The following COL6A3 variants were observed in gnomAD, a reference collection of about 807,000 sequenced individuals.
COL6A3 encodes the protein collagen alpha-3(VI) chain.
A neutral mutation model predicts 274.1 loss-of-function variants in COL6A3; 137 were observed. The observed-to-expected ratio is 0.50, with a 90% CI of 0.44 to 0.58. The LOEUF is 0.58. Among genes scored for constraint, COL6A3 ranks in the 20% least tolerant of loss-of-function variants. COL6A3 has a pLI of 0.00. For synonymous variants in COL6A3, 1,650 were observed against 1,650.6 expected, an observed-to-expected ratio of 1.00 and a Z score of 0.01; for missense variants, 3,950 against 4,124.9, an observed-to-expected ratio of 0.96 and a Z score of 1.16.
At chr2:237,412,574 A>G (rs2078883178) in intron 1 of COL6A3, among the ~76,000 whole-genome samples, 1 of 152,186 alleles carries the variant, frequency 6.6e-6, no homozygotes, top group South Asian at 2.1e-4. Context: ...AATCTCTTCC[A>G]TTATCTTTAG....
At position 237,340,719 on chromosome 2, in the gene COL6A3, G is replaced by A. The variant is rs780869389; in HGVS notation, c.8197C>T (p.Pro2733Ser). The A allele has an allele frequency of 6.2e-7, 1 of 1,614,156 alleles. No individual in the cohort carries two copies. Among genetic ancestry groups the A allele is most frequent in the African/African-American group, 1.3e-5 (1 of 75,042 alleles). ...IENVFESAPN[P>S]RDLKIVVLML... ...AGGACCACAATTTTCAGGTCCCGTGGGTTTGGGGCACTTTCAAAGACATTC... is the reference window on the plus strand; with the variant it reads ...AGGACCACAATTTTCAGGTCCCGTGAGTTTGGGGCACTTTCAAAGACATTC... The change falls in exon 38 of 44, where the codon CCA becomes TCA. Residue 2733 changes from proline to serine, a missense_variant. Coordinates refer to ENST00000295550, the MANE Select transcript of COL6A3 (RefSeq NM_004369.4).
At chr2:237,392,775 A>T (rs2078324817) in intron 3 of COL6A3, among the ~76,000 whole-genome samples, 1 of 152,234 alleles carries the variant, frequency 6.6e-6, no homozygotes, top group African/African-American at 2.4e-5. Flanking sequence ...CTCTGTGGTC[A>T]TCTCCAGACT....
rs774872934 is a variant in COL6A3, at chr2:237,377,033, C to G, written c.2809G>C (p.Glu937Gln). 6.2e-7 allele frequency: 1 copy of G among 1,614,208 alleles called. No individual in the cohort carries two copies. Among genetic ancestry groups the G allele is most frequent in the Admixed American group, 1.7e-5 (1 of 60,032 alleles). Residue 937 changes from glutamate (E) to glutamine (Q), a missense_variant, in exon 7 of 44, where the codon GAG becomes CAG. By Grantham distance (29) the Glu-to-Gln change is conservative. Coordinates refer to ENST00000295550, the MANE Select transcript of COL6A3 (RefSeq NM_004369.4). ...IFVKSAGSRI[E>Q]DGVLQFLVLL... ...ACCAGGAACTGAAGCACTCCATCCT[C>G]GATCCGGCTGCCAGCAGACTTCACA...
At chr2:237,336,052 T>C in intron 40 of COL6A3, 83 bp downstream of exon 40, 1 of 1,536,960 alleles carries the variant, frequency 6.5e-7, no homozygotes, top group Non-Finnish European at 9.0e-7. Context: ...TCTGAGTGTG[T>C]TACATGCAGG....
chr2:237,327,894 G>T (rs1046062270), intron 42 of COL6A3: 8 of 151,536 alleles, frequency 5.3e-5, no homozygotes, highest in African/African-American at 1.7e-4. Context: ...GCTGGCCCTC[G>T]TTGAACTTAA....
chr2:237,356,921 T>A lies in COL6A3; in HGVS notation c.6591+417A>T, dbSNP rs1195055184. 3 of 241,438 alleles carry A rather than the reference T, an allele frequency of 1.2e-5. No individual in the cohort carries two copies. The East Asian group carries it at 2.8e-4, about 23-fold the overall frequency. 15.0% of individuals were successfully genotyped at this position (241,438 alleles called of 1,614,324 possible). ...AAAGAAGAAATCTAGTTTTTTTATTTCACTTACAGCATCCCCCCAAAAACC... is the reference window on the plus strand; with the variant it reads ...AAAGAAGAAATCTAGTTTTTTTATTACACTTACAGCATCCCCCCAAAAACC... On this transcript the variant is annotated intron_variant, in intron 23 of 43. Transcript: ENST00000295550.
chr2:237,358,571 G>T lies in COL6A3; in HGVS notation c.6421C>A (p.Pro2141Thr). The change falls in exon 21 of 44, where the codon CCT becomes ACT. Residue 2141 changes from proline (P) to threonine (T), a missense_variant. Transcript: ENST00000295550. The part of the protein sequence containing the change: ...GNPGRRGDKG[P>T]RGEKGERGDV... ...CCTCTTTCTCCTTTCTCTCCTCGAG[G>T]TCCTTTATCACCCTAAAGAAAAAGC... is the stretch of plus-strand genomic sequence containing the variant. The T allele has an allele frequency of 1.9e-6, 3 of 1,613,754 alleles. No homozygotes were observed. The East Asian group carries it at 6.7e-5, about 36-fold the overall frequency.
At chr2:237,326,242 TGA>T (rs1313827764) in intron 42 of COL6A3, 1 of 120,624 alleles carries the variant, frequency 8.3e-6, no homozygotes, top group African/African-American at 3.2e-5. Flanking sequence ...AAATCCTTTA[TGA>T]GTGTGTGTGT....
rs2077445420 is a variant in COL6A3, at chr2:237,361,894, A to G, written c.6064-63T>C. The G allele has an allele frequency of 6.9e-7, 1 of 1,443,636 alleles. No homozygotes were observed. The highest frequency in any genetic ancestry group is 9.8e-7 in the Non-Finnish European group (1 of 1,024,718). The allele number at this position is 1,443,636 out of a possible 1,614,324, so 89.4% of individuals were successfully genotyped here. A position where few individuals can be genotyped will look rare whatever the true frequency, so the allele number is the denominator to read the frequency against. On this transcript the variant is annotated intron_variant, in intron 14 of 43. Transcript: ENST00000295550. The surrounding 1 kb of genome is among the most constrained non-coding windows in gnomAD (Gnocchi z 5.1). ...AGAAATGCCCAGCAGAAAATCATAA[A>G]TGCGCTTTAAGGGTCAAAATCGGAT...
In COL6A3 at chr2:237,388,115, A is replaced by G. The variant is rs767993846; in HGVS notation, c.779T>C (p.Val260Ala). Reference protein sequence around the residue: ...SNNTGSVNFAVILDFLVNLLE... With the variant: ...SNNTGSVNFAAILDFLVNLLE... ...GAGATTTACAAGGAAGTCGAGAATG[A>G]CTGCGAAATTGACACTTCCGGTGTT... The change falls in exon 4 of 44, where the codon GTC becomes GCC. Residue 260 changes from valine to alanine, a missense_variant. Around this residue, in one of 5 missense-constraint regions of COL6A3, gnomAD observed 1,934 missense variants for 1,984.3 expected, o/e 0.97. Coordinates refer to ENST00000295550, the MANE Select transcript of COL6A3 (RefSeq NM_004369.4). The G allele has an allele frequency of 4.3e-6, 7 of 1,614,094 alleles. No homozygotes were observed. Among genetic ancestry groups the G allele is most frequent in the Non-Finnish European group, 5.9e-6 (7 of 1,180,042 alleles).
chr2:237,344,399 G>A lies in COL6A3; in HGVS notation c.7619C>T (p.Pro2540Leu), dbSNP rs373624266. The change falls in exon 36 of 44, where the codon CCC becomes CTC. Residue 2540 changes from proline (P) to leucine (L), a missense_variant. By Grantham distance (98) the Pro-to-Leu change is moderately conservative (BLOSUM62 -3). Transcript: ENST00000295550. The surrounding 1 kb of genome is among the most constrained non-coding windows in gnomAD (Gnocchi z 4.8). ...GTCTTCCTGCCTTGTAAGGAACAAGGGGGTGATCCCCGCATCTGAGAGCTT... is the reference window on the plus strand; with the variant it reads ...GTCTTCCTGCCTTGTAAGGAACAAGAGGGTGATCCCCGCATCTGAGAGCTT... ...VLKLSDAGIT[P>L]LFLTRQEDRQ... 3 of 1,614,082 alleles carry A rather than the reference G, an allele frequency of 1.9e-6. No individual in the cohort carries two copies. Among genetic ancestry groups the A allele is most frequent in the East Asian group, 2.2e-5 (1 of 44,898 alleles).
chr2:237,387,478 C>T (rs1438258112), intron 4 of COL6A3, 104 bp downstream of exon 4: 2 of 1,559,288 alleles, frequency 1.3e-6, no homozygotes, highest in African/African-American at 1.4e-5. Context: ...TGGGTACTTA[C>T]AGCTTCTCCC....
chr2:237,373,673 A>T (rs750526174), intron 8 of COL6A3, among the ~76,000 whole-genome samples: 19 of 151,928 alleles, frequency 1.3e-4, no homozygotes, highest in Non-Finnish European at 2.5e-4. Context: ...TGAGGGAGCA[A>T]GGCCGCATCT....
chr2:237,391,631 C>T (rs2078291567), intron 3 of COL6A3, among the ~76,000 whole-genome samples: 1 of 152,132 alleles, frequency 6.6e-6, no homozygotes, highest in Non-Finnish European at 1.5e-5. Context: ...CTCCTGGATT[C>T]AAGCGATTCT....
Position 237,345,081 on chromosome 2 carries a change from A to G in COL6A3, c.7139T>C (p.Ile2380Thr). The G allele has an allele frequency of 5.0e-6, 8 of 1,614,176 alleles. No individual in the cohort carries two copies. The highest frequency in any genetic ancestry group is 6.8e-6 in the Non-Finnish European group (8 of 1,180,016). Residue 2380 changes from isoleucine to threonine, a missense_variant, in exon 34 of 44, where the codon ATC becomes ACC. Around this residue, in one of 5 missense-constraint regions of COL6A3, gnomAD observed 1,284 missense variants for 1,349.7 expected, o/e 0.95. Transcript: ENST00000295550. ...ACGGCATTTATCTTTGATGCTTTGG[A>G]TGAGGGCACATTGCTTTAAAAGAAA... Reference protein sequence around the residue: ...RGDSIDQCALIQSIKDKCPCC... With the variant: ...RGDSIDQCALTQSIKDKCPCC...
intron 10 of COL6A3, 93 bp from the exon 11 acceptor site, chr2:237,367,379 A>G (rs1438026485): frequency 2.5e-5 from 36 of 1,425,242 alleles, no homozygotes; most frequent in Admixed American, 4.4e-5. Context: ...CTGAAATAAG[A>G]CATTCCTAAT....
At chr2:237,342,281 G>T (rs1391389747) in intron 36 of COL6A3, 120 bp from the exon 37 acceptor site, 1 of 779,046 alleles carries the variant, frequency 1.3e-6, no homozygotes, top group Non-Finnish European at 2.2e-6. Flanking sequence ...CAATAGGGCA[G>T]TATTGGGAAT....
At chr2:237,369,926 C>T (rs1364778699) in intron 9 of COL6A3, among the ~76,000 whole-genome samples, 1 of 151,898 alleles carries the variant, frequency 6.6e-6, no homozygotes, top group African/African-American at 2.4e-5. Context: ...CAGCCTTGAC[C>T]TCCCAGGCTC....
chr2:237,369,133 A>G lies in COL6A3; in HGVS notation c.4330T>C (p.Ser1444Pro). The G allele has an allele frequency of 1.9e-6, 3 of 1,613,908 alleles. No individual in the cohort carries two copies. The highest frequency in any genetic ancestry group is 2.5e-6 in the Non-Finnish European group (3 of 1,180,040). ...AAGCCATCTGGCCTAACTCCCTCAG[A>G]GCTGTCGATCAGAAAGACAATGTCT... is the stretch of plus-strand genomic sequence containing the variant. ...AADIVFLIDS[S>P]EGVRPDGFAH... is the part of the protein sequence containing the mutation. Residue 1444 changes from serine to proline, a missense_variant, in exon 10 of 44, where the codon TCT becomes CCT. Around this residue, in one of 5 missense-constraint regions of COL6A3, gnomAD observed 1,934 missense variants for 1,984.3 expected, o/e 0.97. Coordinates refer to ENST00000295550, the MANE Select transcript of COL6A3 (RefSeq NM_004369.4).
Sources: gnomAD v4.1 joint callset for allele counts (sites outside exome capture counted in the v4.1 genomes callset) on GRCh38, gnomAD v4.1.1 for gene constraint, gnomAD v4.1.1 regional missense constraint, Gnocchi (gnomAD v3.1) non-coding constraint, MANE v1.5 for transcripts, NCBI Gene and HGNC (gene_info 2026-07-23, HGNC 2026-07-21) for gene names.